Variants in IQGAP1 observed in about 807,000 individuals in gnomAD.
IQGAP1 encodes ras GTPase-activating-like protein IQGAP1.
IQGAP1 carries 66 observed loss-of-function variants against 215.6 expected under a neutral mutation model. The ratio of observed to expected loss-of-function variants is 0.31; its 90% CI spans 0.25 to 0.38. The LOEUF (loss-of-function observed/expected upper bound fraction) is 0.38. IQGAP1 is among the 10% of genes least tolerant of loss of function. The pLI is 1.00. For missense variants in IQGAP1, 1,712 were observed against 1,997.1 expected, an observed-to-expected ratio of 0.86 and a Z score of 2.72; for synonymous variants, 772 against 728.7, an observed-to-expected ratio of 1.06 and a Z score of -0.96.
At chr15:90,484,664 G>A (rs574301987) in intron 30 of IQGAP1, among the ~76,000 whole-genome samples, 17 of 151,964 alleles carry the variant, frequency 1.1e-4, no homozygotes, top group South Asian at 6.2e-4. Flanking sequence ...ACCCGCCACC[G>A]TGCCTGGCTA....
At chr15:90,499,874 G>A in intron 37 of IQGAP1, 121 bp from the exon 38 acceptor site, 1 of 635,220 alleles carries the variant, frequency 1.6e-6, no homozygotes. Flanking sequence ...TTCACATCTG[G>A]CACACAAGGC....
intron 32 of IQGAP1, among the ~76,000 whole-genome samples, chr15:90,487,294 T>C (rs1170594349): frequency 6.6e-6 from 1 of 152,122 alleles, no homozygotes; most frequent in Non-Finnish European, 1.5e-5. Flanking sequence ...GAAATGTAAA[T>C]CTTGGAAATC....
intron 30 of IQGAP1, among the ~76,000 whole-genome samples, chr15:90,484,822 T>C (rs969333787): frequency 3.4e-4 from 51 of 152,164 alleles, no homozygotes; most frequent in African/African-American, 1.2e-3. Flanking sequence ...TGCTTGTTAT[T>C]CTTAACAGTA....
intron 1 of IQGAP1, among the ~76,000 whole-genome samples, chr15:90,389,576 C>T (rs569981780): frequency 6.6e-6 from 1 of 152,098 alleles, no homozygotes; most frequent in South Asian, 2.1e-4. Flanking sequence ...AAATGATCCC[C>T]ACGCCTCGAC....
At chr15:90,412,051 CTA>C (rs1964974276) in intron 2 of IQGAP1, among the ~76,000 whole-genome samples, 1 of 152,016 alleles carries the variant, frequency 6.6e-6, no homozygotes, top group South Asian at 2.1e-4. Flanking sequence ...ACCAGGGACT[CTA>C]TTAAAATAAA....
At chr15:90,419,551 G>T (rs1301021478) in intron 2 of IQGAP1, among the ~76,000 whole-genome samples, 2 of 152,066 alleles carry the variant, frequency 1.3e-5, no homozygotes, top group African/African-American at 4.8e-5. Flanking sequence ...TGAGAGGAGA[G>T]ATTAAGAACC....
intron 18 of IQGAP1, among the ~76,000 whole-genome samples, chr15:90,469,439 A>G (rs1965875521): frequency 6.6e-6 from 1 of 152,230 alleles, no homozygotes; most frequent in African/African-American, 2.4e-5. Flanking sequence ...TTCTCTTTAT[A>G]TGGTGGGTTA....
At chr15:90,413,131 T>G (rs1964992704) in intron 2 of IQGAP1, among the ~76,000 whole-genome samples, 1 of 152,158 alleles carries the variant, frequency 6.6e-6, no homozygotes, top group Admixed American at 6.5e-5. Context: ...AAAAGTGTTA[T>G]CAGTAAGACA....
chr15:90,449,070 C>T (rs1965564706), intron 10 of IQGAP1, among the ~76,000 whole-genome samples: 2 of 151,748 alleles, frequency 1.3e-5, no homozygotes, highest in South Asian at 4.1e-4. Context: ...GGAATTTGCA[C>T]TTTAAAAAAA....
At chr15:90,491,265 T>C (rs964194774) in intron 33 of IQGAP1, 68 bp from the exon 34 acceptor site, 1 of 1,310,644 alleles carries the variant, frequency 7.6e-7, no homozygotes, top group Non-Finnish European at 1.1e-6. Context: ...GGTGCAAATG[T>C]GCTATATAAA....
intron 9 of IQGAP1, among the ~76,000 whole-genome samples, chr15:90,444,611 A>G (rs779761897): frequency 2.0e-4 from 30 of 152,242 alleles, no homozygotes; most frequent in Non-Finnish European, 3.7e-4. Flanking sequence ...CAAAAATGAG[A>G]TTATACTTTT....
chr15:90,462,445 C>T (rs1031449724), intron 15 of IQGAP1, among the ~76,000 whole-genome samples: 1 of 152,100 alleles, frequency 6.6e-6, no homozygotes, highest in Admixed American at 6.5e-5. Flanking sequence ...CCTGATTGGT[C>T]AGTGCTTATG....
chr15:90,407,105 A>G (rs1316065236), intron 2 of IQGAP1, among the ~76,000 whole-genome samples: 1 of 152,194 alleles, frequency 6.6e-6, no homozygotes, highest in Non-Finnish European at 1.5e-5. Flanking sequence ...AGCACTGCTG[A>G]TAGATCAGAA....
In IQGAP1 at chr15:90,486,934, C is replaced by T; in HGVS notation, c.4025-20C>T. 2 of 1,612,188 alleles carry T rather than the reference C, an allele frequency of 1.2e-6. No individual in the cohort carries two copies. Among genetic ancestry groups the T allele is most frequent in the Non-Finnish European group, 8.5e-7 (1 of 1,178,808 alleles). ...CCTCTCTTTATTACGCTGACTCTTT[C>T]CACCCTCCCAAAACTTCAGGGGAAA... On this transcript the variant is annotated intron_variant, in intron 31 of 37. Transcript: ENST00000268182.
At chr15:90,392,945 A>G (rs1964657253) in intron 2 of IQGAP1, among the ~76,000 whole-genome samples, 1 of 151,926 alleles carries the variant, frequency 6.6e-6, no homozygotes, top group South Asian at 2.1e-4. Flanking sequence ...GGGTTTCACC[A>G]TAATGGCCAG....
chr15:90,419,307 TAATG>T (rs1965099829), intron 2 of IQGAP1, among the ~76,000 whole-genome samples: 1 of 152,158 alleles, frequency 6.6e-6, no homozygotes, highest in South Asian at 2.1e-4. Flanking sequence ...ATTGAGATAA[TAATG>T]CATGTAAAGT....
intron 15 of IQGAP1, among the ~76,000 whole-genome samples, chr15:90,461,949 C>T (rs1965767376): frequency 6.8e-6 from 1 of 147,526 alleles, no homozygotes; most frequent in Admixed American, 6.9e-5. Context: ...ACCATCTTGG[C>T]TAACACAGTG....
chr15:90,442,510 A>G (rs2238322), intron 8 of IQGAP1, among the ~76,000 whole-genome samples: 24,956 of 152,094 alleles, frequency 0.16, 2,777 homozygotes, highest in East Asian at 0.46. Flanking sequence ...GTTGATGACA[A>G]AACGAAGACA....
In IQGAP1 at chr15:90,494,354, A is replaced by T. The variant is rs139062942; in HGVS notation, c.4629-359A>T. ...CTACACAGCTGAGGGGCGTAGAGTA[A>T]CTCCTTCACTCCTGGGATTCAGTAC... On this transcript the variant is annotated intron_variant, in intron 35 of 37. Transcript: ENST00000268182. The T allele has an allele frequency of 2.2e-3, 352 of 158,100 alleles. 5 individuals carry two copies. Among genetic ancestry groups the T allele is most frequent in the Admixed American group, 0.017 (261 of 15,462 alleles). 9.8% of individuals were successfully genotyped at this position (158,100 alleles called of 1,614,324 possible).
Sources: gnomAD v4.1 joint callset for allele counts (sites outside exome capture counted in the v4.1 genomes callset) on GRCh38, gnomAD v4.1.1 for gene constraint, MANE v1.5 for transcripts, NCBI Gene and HGNC (gene_info 2026-07-23, HGNC 2026-07-21) for gene names.